Variants in SNX24 observed in about 807,000 individuals in gnomAD.
SNX24 encodes sorting nexin 24, also known as sorting nexin-24.
In SNX24, 22 loss-of-function variants were observed where a neutral mutation model predicts 28.7. The observed-to-expected ratio is 0.77, with a 90% CI of 0.55 to 1.10. The LOEUF (loss-of-function observed/expected upper bound fraction) is 1.10. Ranked by LOEUF, SNX24 falls within the 50% of genes least tolerant of loss-of-function variation. SNX24 has a pLI of 0.00. For synonymous variants in SNX24, 69 were observed against 71.5 expected (o/e 0.96, Z 0.18); for missense variants, 221 against 201.1 (o/e 1.10, Z -0.60).
chr5:123,004,014 G>T (rs937807025), intron 6 of SNX24, among the ~76,000 whole-genome samples: 41 of 152,236 alleles, frequency 2.7e-4, no homozygotes, highest in African/African-American at 9.6e-4. Context: ...AATTTAAAGA[G>T]AAACTTTACT....
chr5:122,863,243 G>C (rs564398009), intron 1 of SNX24, among the ~76,000 whole-genome samples: 37 of 152,094 alleles, frequency 2.4e-4, no homozygotes, highest in African/African-American at 8.2e-4. Context: ...CATTGGAACC[G>C]GGACCTGAAG....
In SNX24 at chr5:122,916,171, G is replaced by C. The variant is rs571861063; in HGVS notation, c.61-20563G>C. ...AAGATAGCATGGCCACTTAATATCA[G>C]AATTAAGACAAAACACACAGACTTT... On this transcript the variant is annotated intron_variant, in intron 1 of 6. Coordinates refer to ENST00000261369, the MANE Select transcript of SNX24 (RefSeq NM_014035.4). 2.0e-5 allele frequency among the ~76,000 whole-genome samples: 3 copies of C among 152,338 alleles called. No individual in the cohort carries two copies. The South Asian group carries it at 6.2e-4, about 32-fold the overall frequency.
chr5:122,964,672 A>G (rs1048351938), intron 3 of SNX24, among the ~76,000 whole-genome samples: 1 of 152,188 alleles, frequency 6.6e-6, no homozygotes, highest in Non-Finnish European at 1.5e-5. Flanking sequence ...TATAAAAAGT[A>G]TAAAAATAAA....
chr5:122,897,321 A>G (rs1757246350), intron 1 of SNX24, among the ~76,000 whole-genome samples: 1 of 151,978 alleles, frequency 6.6e-6, no homozygotes, highest in Non-Finnish European at 1.5e-5. Context: ...TTTATTTTTA[A>G]ATTTTTTCTT....
At chr5:122,911,187 T>A (rs1471692951) in intron 1 of SNX24, among the ~76,000 whole-genome samples, 2 of 152,254 alleles carry the variant, frequency 1.3e-5, no homozygotes, top group Admixed American at 6.5e-5. Flanking sequence ...GGTATCTCAT[T>A]GTGGTTTTGA....
intron 5 of SNX24, among the ~76,000 whole-genome samples, chr5:123,021,114 T>G (rs1317527183): frequency 2.9e-5 from 3 of 104,618 alleles, no homozygotes; most frequent in African/African-American, 7.4e-5. Context: ...TCCCCCCCCG[T>G]CCCCATGGCT....
chr5:122,917,052 A>C (rs59847234), intron 1 of SNX24, among the ~76,000 whole-genome samples: 4,283 of 152,188 alleles, frequency 0.028, 179 homozygotes, highest in African/African-American at 0.084. Context: ...ACGGATCACG[A>C]GGTCAAGAGA....
chr5:122,946,158 A>C lies in SNX24; in HGVS notation c.248A>C (p.Gln83Pro). The C allele has an allele frequency of 6.4e-7, 1 of 1,554,254 alleles. No individual in the cohort carries two copies. The highest frequency in any genetic ancestry group is 8.9e-7 in the Non-Finnish European group (1 of 1,127,944). ...CGACAAGGCTTGGAAACATACTTAC[A>C]GGTAAGATATGTTTAGATCCTCATT... ...QRRQGLETYL[Q>P]AVILENEELP... The change falls in exon 3 of 7, where the codon CAG (glutamine) becomes CCG (proline). Residue 83 changes from glutamine to proline, a missense_variant and splice_region_variant. Gln to Pro is a moderately conservative substitution (Grantham distance 76, BLOSUM62 -1). Transcript: ENST00000261369.
chr5:122,878,727 C>T (rs1314742635), intron 1 of SNX24, among the ~76,000 whole-genome samples: 1 of 152,084 alleles, frequency 6.6e-6, no homozygotes, highest in African/African-American at 2.4e-5. Context: ...ATCCCAAATG[C>T]TTTGGAAACC....
At chr5:122,870,075 C>G (rs181779604) in intron 1 of SNX24, among the ~76,000 whole-genome samples, 54 of 152,238 alleles carry the variant, frequency 3.5e-4, no homozygotes, top group Admixed American at 1.1e-3. Context: ...AATGCTGCTT[C>G]TTTTGGATTT....
At chr5:122,991,047 C>G (rs749460578) in intron 3 of SNX24, among the ~76,000 whole-genome samples, 5 of 152,028 alleles carry the variant, frequency 3.3e-5, no homozygotes, top group Non-Finnish European at 5.9e-5. Flanking sequence ...CAGGTGCCCA[C>G]CACCACACCC....
intron 1 of SNX24, among the ~76,000 whole-genome samples, chr5:122,900,093 C>A (rs1200318118): frequency 6.6e-6 from 1 of 151,682 alleles, no homozygotes. Context: ...GGTCAGGGAT[C>A]ACTGCTGCCT....
chr5:122,998,511 A>C (rs921688259), intron 3 of SNX24, among the ~76,000 whole-genome samples: 1 of 152,096 alleles, frequency 6.6e-6, no homozygotes, highest in Admixed American at 6.5e-5. Flanking sequence ...TTTTTCTTCT[A>C]TCTTTTATTC....
intron 1 of SNX24, among the ~76,000 whole-genome samples, chr5:122,924,611 G>A (rs1021536424): frequency 1.3e-5 from 2 of 152,316 alleles, no homozygotes; most frequent in Admixed American, 1.3e-4. Flanking sequence ...TGAGATCACA[G>A]CTAAGGGGGG....
intron 1 of SNX24, among the ~76,000 whole-genome samples, chr5:122,868,455 T>C (rs1000750945): frequency 6.6e-6 from 1 of 152,078 alleles, no homozygotes; most frequent in Non-Finnish European, 1.5e-5. Flanking sequence ...TTCATAGAGG[T>C]AGGCAGGGCT....
chr5:122,978,020 T>A (rs904081152), intron 3 of SNX24, among the ~76,000 whole-genome samples: 1 of 152,028 alleles, frequency 6.6e-6, no homozygotes, highest in African/African-American at 2.4e-5. Flanking sequence ...AATGTTTCAA[T>A]TTTTTTTCAT....
intron 1 of SNX24, among the ~76,000 whole-genome samples, chr5:122,899,125 C>T (rs1399578888): frequency 6.6e-6 from 1 of 152,192 alleles, no homozygotes; most frequent in Non-Finnish European, 1.5e-5. Flanking sequence ...GAGATCTGTG[C>T]CCCACCTGAA....
At chr5:122,884,503 G>A (rs1049005925) in intron 1 of SNX24, among the ~76,000 whole-genome samples, 9 of 151,738 alleles carry the variant, frequency 5.9e-5, no homozygotes, top group African/African-American at 2.2e-4. Flanking sequence ...CACCCACCTC[G>A]GCCTCACAAA....
chr5:122,949,770 T>G (rs1056234124), intron 3 of SNX24, among the ~76,000 whole-genome samples: 7 of 152,190 alleles, frequency 4.6e-5, no homozygotes, highest in African/African-American at 1.7e-4. Flanking sequence ...ATTTTCCTAC[T>G]TAAATTTTCA....
Sources: allele counts gnomAD v4.1 joint callset (sites outside exome capture counted in the v4.1 genomes callset), GRCh38; gene constraint gnomAD v4.1.1; transcripts MANE v1.5; gene names NCBI Gene and HGNC (gene_info 2026-07-23, HGNC 2026-07-21).